Variants in PAPPA observed in about 807,000 individuals in gnomAD.
PAPPA encodes pappalysin-1.
In PAPPA, 60 loss-of-function variants were observed where a neutral mutation model predicts 164.0. The observed-to-expected ratio is 0.37, with a 90% CI of 0.30 to 0.45. The LOEUF (loss-of-function observed/expected upper bound fraction) is 0.45, where lower values mean the gene tolerates loss of function less well. Ranked by LOEUF, PAPPA falls within the 20% of genes least tolerant of loss-of-function variation. The probability of loss-of-function intolerance (pLI) is 1.00; values close to 1 mark genes in which losing one functional copy is unlikely to be tolerated. For synonymous variants in PAPPA, 875 were observed against 814.1 expected, an observed-to-expected ratio of 1.07 and a Z score of -1.27; for missense variants, 1,782 against 2,087.3, an observed-to-expected ratio of 0.85 and a Z score of 2.85.
intron 13 of PAPPA, among the ~76,000 whole-genome samples, chr9:116,342,275 CTTGTG>C (rs1329920057): frequency 6.6e-6 from 1 of 152,170 alleles, no homozygotes; most frequent in Non-Finnish European, 1.5e-5. Flanking sequence ...TGTCAAAGCC[CTTGTG>C]TTGACTCCAC....
intron 21 of PAPPA, among the ~76,000 whole-genome samples, chr9:116,395,330 T>C (rs573303871): frequency 1.6e-4 from 24 of 151,504 alleles, no homozygotes; most frequent in African/African-American, 5.3e-4. Flanking sequence ...AAAGAAGAGG[T>C]AGACATTGAG....
chr9:116,316,937 C>A (rs1308133532), intron 10 of PAPPA, among the ~76,000 whole-genome samples: 1 of 152,130 alleles, frequency 6.6e-6, no homozygotes, highest in Middle Eastern at 3.2e-3. Flanking sequence ...GATGGGAGGA[C>A]CCTGAGGTCT....
At chr9:116,300,236 T>C (rs2118885893) in intron 9 of PAPPA, among the ~76,000 whole-genome samples, 1 of 151,296 alleles carries the variant, frequency 6.6e-6, no homozygotes, top group East Asian at 2.0e-4. Context: ...GCTCATTCTT[T>C]CTTTCTTTTC....
At chr9:116,239,581 T>A (rs530312994) in intron 7 of PAPPA, among the ~76,000 whole-genome samples, 8 of 152,296 alleles carry the variant, frequency 5.3e-5, no homozygotes, top group East Asian at 3.9e-4. Flanking sequence ...TGGACCACAA[T>A]AATGACAACC....
At chr9:116,176,497 T>A (rs1843836528) in intron 1 of PAPPA, among the ~76,000 whole-genome samples, 1 of 152,160 alleles carries the variant, frequency 6.6e-6, no homozygotes, top group South Asian at 2.1e-4. Context: ...CATAATAGGA[T>A]GCTCATTTTA....
intron 7 of PAPPA, among the ~76,000 whole-genome samples, chr9:116,241,077 G>T (rs1434197001): frequency 6.6e-6 from 1 of 152,102 alleles, no homozygotes; most frequent in African/African-American, 2.4e-5. Context: ...TATATGATCT[G>T]GGTGGACATT....
intron 21 of PAPPA, among the ~76,000 whole-genome samples, chr9:116,392,948 T>C (rs1588034006): frequency 6.6e-6 from 1 of 152,182 alleles, no homozygotes; most frequent in East Asian, 1.9e-4. Flanking sequence ...TGGATAGGCC[T>C]CCTGAGACCA....
At chr9:116,244,348 C>G (rs189724671) in intron 7 of PAPPA, among the ~76,000 whole-genome samples, 1 of 152,190 alleles carries the variant, frequency 6.6e-6, no homozygotes, top group East Asian at 1.9e-4. Context: ...CAAACTGAGA[C>G]CCATAGAAGT....
intron 17 of PAPPA, among the ~76,000 whole-genome samples, chr9:116,361,245 G>A (rs1479015078): frequency 1.3e-5 from 2 of 152,116 alleles, no homozygotes; most frequent in African/African-American, 4.8e-5. Flanking sequence ...AGCTCCTCTG[G>A]CCTCATGTCA....
At chr9:116,282,747 A>G (rs1427109163) in intron 9 of PAPPA, among the ~76,000 whole-genome samples, 1 of 152,204 alleles carries the variant, frequency 6.6e-6, no homozygotes, top group African/African-American at 2.4e-5. Context: ...CAAGAGCTGA[A>G]CAGCCTAGCA....
chr9:116,378,710 G>A (rs976088372), intron 20 of PAPPA, among the ~76,000 whole-genome samples: 12 of 152,110 alleles, frequency 7.9e-5, no homozygotes, highest in East Asian at 1.9e-4. Flanking sequence ...AGTAGAAAAC[G>A]AGGGCCAGAG....
chr9:116,155,330 C>T (rs1198621662), intron 1 of PAPPA, among the ~76,000 whole-genome samples: 1 of 152,222 alleles, frequency 6.6e-6, no homozygotes, highest in African/African-American at 2.4e-5. Flanking sequence ...ACCTCCCTCT[C>T]TCTCCCCTTC....
At chr9:116,353,254 T>A (rs1260297866) in intron 16 of PAPPA, among the ~76,000 whole-genome samples, 1 of 152,154 alleles carries the variant, frequency 6.6e-6, no homozygotes, top group African/African-American at 2.4e-5. Context: ...GATGTGCATG[T>A]AAAGTGCTCA....
Position 116,339,618 on chromosome 9 carries a change from T to G in PAPPA, c.3611+4544T>G, listed in dbSNP as rs911307534. Among the ~76,000 whole-genome samples, 8 of 152,328 alleles carry G rather than the reference T, an allele frequency of 5.3e-5. No homozygotes were observed. In the South Asian group the frequency reaches 1.7e-3, roughly 32 times the overall value. On this transcript the variant is annotated intron_variant, in intron 13 of 21. Coordinates refer to ENST00000328252, the MANE Select transcript of PAPPA (RefSeq NM_002581.5). The stretch of plus-strand genomic sequence containing the variant: ...ACAGTTTTCCCTCCATTTTCTAGTG[T>G]GGAGCACTTGTCTTTTTTGTTGTCC...
intron 7 of PAPPA, among the ~76,000 whole-genome samples, chr9:116,242,182 G>A (rs1235431176): frequency 1.3e-5 from 2 of 152,070 alleles, no homozygotes; most frequent in Non-Finnish European, 1.5e-5. Context: ...GGGGCAGGGG[G>A]GCTGTGAGAA....
chr9:116,233,170 C>CT (rs1381889120), intron 6 of PAPPA, among the ~76,000 whole-genome samples: 2 of 152,212 alleles, frequency 1.3e-5, no homozygotes, highest in Non-Finnish European at 2.9e-5. Flanking sequence ...ACTCTATGGA[C>CT]TAGGCACACT....
intron 9 of PAPPA, among the ~76,000 whole-genome samples, chr9:116,282,617 T>A (rs1376039029): frequency 6.6e-6 from 1 of 152,236 alleles, no homozygotes; most frequent in Non-Finnish European, 1.5e-5. Flanking sequence ...GGCACAGAGA[T>A]GTTACGTTCC....
intron 10 of PAPPA, among the ~76,000 whole-genome samples, chr9:116,313,465 C>T (rs1253373337): frequency 1.3e-5 from 2 of 152,188 alleles, no homozygotes; most frequent in African/African-American, 4.8e-5. Flanking sequence ...ATGCAGATGC[C>T]ACCTGGGTAA....
At chr9:116,311,350 C>T (rs753272775) in intron 10 of PAPPA, among the ~76,000 whole-genome samples, 8 of 152,162 alleles carry the variant, frequency 5.3e-5, no homozygotes, top group Admixed American at 2.6e-4. Flanking sequence ...GGAAGGAAGA[C>T]ACCAAAATAG....
Sources: gnomAD v4.1 joint callset for allele counts (sites outside exome capture counted in the v4.1 genomes callset) on GRCh38, gnomAD v4.1.1 for gene constraint, MANE v1.5 for transcripts, NCBI Gene and HGNC (gene_info 2026-07-23, HGNC 2026-07-21) for gene names.